CC2D1A: variants seen among roughly 807,000 people sequenced by gnomAD.
The protein encoded by CC2D1A is coiled-coil and C2 domain containing 1A, also known as coiled-coil and C2 domain-containing protein 1A.
In CC2D1A, 68 loss-of-function variants were observed where a neutral mutation model predicts 123.8. The observed-to-expected ratio is 0.55, with a 90% CI of 0.45 to 0.67. The LOEUF (loss-of-function observed/expected upper bound fraction) is 0.67. CC2D1A is among the 30% of genes least tolerant of loss of function. The pLI is 0.00. For missense variants in CC2D1A, 1,185 were observed against 1,290.3 expected (o/e 0.92, Z 1.25); for synonymous variants, 477 against 528.0 (o/e 0.90, Z 1.32).
rs777646279 is a variant in CC2D1A at position 13,923,452 on chromosome 19, C to T, written c.1761C>T (p.His587=). Residue 587 remains histidine, a synonymous_variant, in exon 15 of 29, where the codon CAC becomes CAT. Transcript: ENST00000318003. This position sits in a 1 kb window ranked among gnomAD's most constrained non-coding sequence, Gnocchi z 5.3. ...TCACCAAGCTCATACGGCAGCAGCA[C>T]GAGGTGAGGGGGAGGCCCCCAGCCC... ...GELTKLIRQQ[H]EMCLNHSNQF... 1.7e-5 allele frequency: 28 copies of T among 1,614,106 alleles called. No individual in the cohort carries two copies. Among genetic ancestry groups the T allele is most frequent in the Middle Eastern group, 1.6e-4 (1 of 6,062 alleles).
intron 6 of CC2D1A, among the ~76,000 whole-genome samples, chr19:13,915,700 G>A (rs1405065085): frequency 6.6e-6 from 1 of 152,118 alleles, no homozygotes; most frequent in South Asian, 2.1e-4. Context: ...GTGTGGTAGT[G>A]CATGCCTTTA....
chr19:13,921,733 C>CA lies in CC2D1A; in HGVS notation c.1641+817dup, dbSNP rs957308953. On this transcript the variant is annotated intron_variant, in intron 14 of 28. Coordinates refer to ENST00000318003, the MANE Select transcript of CC2D1A (RefSeq NM_017721.5). ...TGGACACTGGAGACATGGCCTTGAG[C>CA]AAAAAAGGCAAAAATCCACACTCTC... Among the ~76,000 whole-genome samples, 20 of 152,080 alleles carry CA rather than the reference C, an allele frequency of 1.3e-4. No individual in the cohort carries two copies. The South Asian group carries it at 3.1e-3, about 24-fold the overall frequency.
At chr19:13,920,070 G>A in intron 12 of CC2D1A, 119 bp downstream of exon 12, 1 of 1,061,432 alleles carries the variant, frequency 9.4e-7, no homozygotes, top group Non-Finnish European at 1.3e-6. Flanking sequence ...CACACAGTGA[G>A]ACCCCCGTCT....
chr19:13,917,975 A>G, intron 6 of CC2D1A, 95 bp from the exon 7 acceptor site: 1 of 1,376,840 alleles, frequency 7.3e-7, no homozygotes, highest in Non-Finnish European at 9.7e-7. Context: ...TGTCTGAAAA[A>G]GAAAAAAAAA....
At position 13,909,920 on chromosome 19, in the gene CC2D1A, G is replaced by T; in HGVS notation, c.158G>T (p.Gly53Val). ...ELEAEFLALVGGQPPALEKLK... is the reference protein window; with the variant it reads ...ELEAEFLALVVGQPPALEKLK... ...GAGGCTGAGTTCTTGGCTTTGGTCG[G>T]GGGCCAGCCCCCAGCCCTGGAGAAG... The change falls in exon 2 of 29, where the codon GGG becomes GTG. Residue 53 changes from glycine to valine, a missense_variant. Coordinates refer to ENST00000318003, the MANE Select transcript of CC2D1A (RefSeq NM_017721.5). The T allele has an allele frequency of 6.5e-7, 1 of 1,541,274 alleles. No individual in the cohort carries two copies. Among genetic ancestry groups the T allele is most frequent in the South Asian group, 1.3e-5 (1 of 79,806 alleles).
rs764244938 is a variant in CC2D1A, at chr19:13,912,333, G to A, written c.207G>A (p.Pro69=). Residue 69 remains proline (P), a synonymous_variant, in exon 3 of 29, where the codon CCG becomes CCA. Transcript: ENST00000318003. Reference sequence around the variant, plus strand: ...TCCCCCTACCGCCAGGTCCCTTGCCGATGGAGGCCATTGAGAAGATGGCCA... The same window carrying A: ...TCCCCCTACCGCCAGGTCCCTTGCCAATGGAGGCCATTGAGAAGATGGCCA... ...LEKLKGKGPL[P]MEAIEKMASL... is the part of the protein sequence containing the mutation. 6.9e-6 allele frequency: 11 copies of A among 1,604,660 alleles called. No homozygotes were observed. The East Asian group carries it at 9.0e-5, about 13-fold the overall frequency.
chr19:13,912,512 C>T lies in CC2D1A; in HGVS notation c.313-16C>T, dbSNP rs1971038871. 2 of 1,614,106 alleles carry T rather than the reference C, an allele frequency of 1.2e-6. No individual in the cohort carries two copies. Among genetic ancestry groups the T allele is most frequent in the Non-Finnish European group, 1.7e-6 (2 of 1,180,022 alleles). ...AGCAGGCCCTTATATCCTGCCCTGG[C>T]TGTGTGTCCCTGCAGGCGGAGCTAA... On this transcript the variant is annotated splice_polypyrimidine_tract_variant and intron_variant, in intron 3 of 28. Transcript: ENST00000318003.
Position 13,926,520 on chromosome 19 carries a change from C to A in CC2D1A, c.1944C>A (p.Ile648=). Residue 648 remains isoleucine, a synonymous_variant, in exon 18 of 29, where the codon ATC becomes ATA. Coordinates refer to ENST00000318003, the MANE Select transcript of CC2D1A (RefSeq NM_017721.5). ...FEQRTFSVIK[I]FPDLSSNDML... is the part of the protein sequence containing the mutation. ...TGCCCACCTGCCCACCCGGAAGGAT[C>A]TTCCCTGACCTCAGCAGCAACGACA... 1 of 1,614,046 alleles carries A rather than the reference C, an allele frequency of 6.2e-7. No homozygotes were observed.
intron 9 of CC2D1A, 30 bp from the exon 10 acceptor site, chr19:13,918,882 C>T: frequency 6.2e-7 from 1 of 1,607,670 alleles, no homozygotes; most frequent in Non-Finnish European, 8.5e-7. Context: ...CATCCGTTGA[C>T]TCTTAACCTT....
intron 14 of CC2D1A, among the ~76,000 whole-genome samples, chr19:13,921,995 T>G (rs1054265467): frequency 1.8e-4 from 27 of 151,812 alleles, no homozygotes; most frequent in Admixed American, 9.2e-4. Context: ...CTCTTTCTTG[T>G]TTTTGTTTTG....
rs535579924 is a variant in CC2D1A at position 13,930,462 on chromosome 19, C to G, written c.*67C>G. 1.1e-5 allele frequency: 16 copies of G among 1,485,562 alleles called. No homozygotes were observed. Among genetic ancestry groups the G allele is most frequent in the Non-Finnish European group, 1.4e-5 (16 of 1,108,036 alleles). The allele number at this position is 1,485,562 out of a possible 1,614,324, so 92.0% of individuals were successfully genotyped here. A position where few individuals can be genotyped will look rare whatever the true frequency, so the allele number is the denominator to read the frequency against. ...GCCCCGATACCGGGAAGAGCCGACA[C>G]AGCCACGAACCAGACAAGCAGACAA... is the stretch of plus-strand genomic sequence containing the variant. On this transcript the variant is annotated 3_prime_UTR_variant, in exon 29 of 29. Coordinates refer to ENST00000318003, the MANE Select transcript of CC2D1A (RefSeq NM_017721.5). The surrounding 1 kb of genome is among the most constrained non-coding windows in gnomAD (Gnocchi z 6.8).
chr19:13,919,030 G>C lies in CC2D1A; in HGVS notation c.1137G>C (p.Glu379Asp), dbSNP rs1971308796. 2 of 1,607,556 alleles carry C rather than the reference G, an allele frequency of 1.2e-6. No homozygotes were observed. The highest frequency in any genetic ancestry group is 2.2e-5 in the South Asian group (2 of 90,264). ...ACCAGCGGAAAGCTCGAATGCACGAGCGCATCGTCAAGGTGCCCTGGGGGT... is the reference window on the plus strand; with the variant it reads ...ACCAGCGGAAAGCTCGAATGCACGACCGCATCGTCAAGGTGCCCTGGGGGT... ...KGDQRKARMH[E>D]RIVKQYQDAI... is the part of the protein sequence containing the mutation. The change falls in exon 10 of 29, where the codon GAG becomes GAC. Residue 379 changes from glutamate (E) to aspartate (D), a missense_variant. Coordinates refer to ENST00000318003, the MANE Select transcript of CC2D1A (RefSeq NM_017721.5).
intron 11 of CC2D1A, 110 bp downstream of exon 11, chr19:13,919,312 C>A: frequency 1.2e-6 from 1 of 823,408 alleles, no homozygotes; most frequent in East Asian, 2.7e-5. Context: ...TTCCTCCAGC[C>A]TCTGAGCCTT....
intron 10 of CC2D1A, 32 bp downstream of exon 10, chr19:13,919,074 A>T: frequency 6.2e-7 from 1 of 1,602,646 alleles, no homozygotes; most frequent in Non-Finnish European, 8.5e-7. Flanking sequence ...AGGTGGGGCG[A>T]GTGGGCAGCC....
rs1232295793 is a variant in CC2D1A at position 13,920,785 on chromosome 19, A to C, written c.1504A>C (p.Lys502Gln). ...QQLAFLEGRK[K>Q]QLLQAALRAK... ...GCTGGCCTTCCTAGAGGGCCGCAAG[A>C]AGCAGCTCCTGCAGGCCGCACTGCG... The change falls in exon 14 of 29, where the codon AAG becomes CAG. Residue 502 changes from lysine (K) to glutamine (Q), a missense_variant. Lys to Gln is a moderately conservative substitution (Grantham distance 53). Transcript: ENST00000318003. 3.7e-6 allele frequency: 6 copies of C among 1,614,000 alleles called. No individual in the cohort carries two copies. In the South Asian group the frequency reaches 4.4e-5, roughly 12 times the overall value.
intron 22 of CC2D1A, 46 bp downstream of exon 22, chr19:13,927,311 C>G: frequency 6.8e-7 from 1 of 1,470,750 alleles, no homozygotes; most frequent in Non-Finnish European, 9.5e-7. Context: ...GGCCATGCTA[C>G]TCGTTAACAT....
chr19:13,925,076 C>T (rs1022245161), intron 17 of CC2D1A, among the ~76,000 whole-genome samples: 1 of 152,164 alleles, frequency 6.6e-6, no homozygotes, highest in Non-Finnish European at 1.5e-5. Flanking sequence ...ATGATGTCAC[C>T]TTCCCTCTAA....
At position 13,919,826 on chromosome 19, in the gene CC2D1A, C is replaced by T. The variant is rs780491820; in HGVS notation, c.1231C>T (p.Pro411Ser). The part of the protein sequence containing the change: ...AELPVPPGFP[P>S]IQGLEATKPT... Reference sequence around the variant, plus strand: ...CTCGACTGGCCACCCAGGCTTCCCCCCAATCCAGGGCCTGGAGGCCACCAA... The same window carrying T: ...CTCGACTGGCCACCCAGGCTTCCCCTCAATCCAGGGCCTGGAGGCCACCAA... The change falls in exon 12 of 29, where the codon CCA (proline) becomes TCA (serine). Residue 411 changes from proline to serine, a missense_variant. Coordinates refer to ENST00000318003, the MANE Select transcript of CC2D1A (RefSeq NM_017721.5). 1.2e-5 allele frequency: 20 copies of T among 1,602,228 alleles called. No homozygotes were observed. The highest frequency in any genetic ancestry group is 1.7e-5 in the Non-Finnish European group (20 of 1,172,334).
intron 20 of CC2D1A, 40 bp from the exon 21 acceptor site, chr19:13,926,938 C>T (rs1464584650): frequency 6.2e-7 from 1 of 1,612,278 alleles, no homozygotes; most frequent in East Asian, 2.2e-5. Context: ...AGACAATGGC[C>T]TGACCCCACC....
Sources: gnomAD v4.1 joint callset for allele counts (sites outside exome capture counted in the v4.1 genomes callset) on GRCh38, gnomAD v4.1.1 for gene constraint, Gnocchi (gnomAD v3.1) non-coding constraint, MANE v1.5 for transcripts, NCBI Gene and HGNC (gene_info 2026-07-23, HGNC 2026-07-21) for gene names.